The following MYH11 variants were observed in gnomAD, a reference collection of about 807,000 sequenced individuals.
MYH11 encodes myosin-11.
A neutral mutation model predicts 246.6 loss-of-function variants in MYH11; 80 were observed. The observed-to-expected ratio is 0.32, with a 90% CI of 0.27 to 0.39. The LOEUF is 0.39. Among genes scored for constraint, MYH11 ranks in the 10% least tolerant of loss-of-function variants. MYH11 has a pLI of 1.00. For synonymous variants in MYH11, 1,071 were observed against 1,015.5 expected (o/e 1.05, Z -1.04); for missense variants, 2,158 against 2,546.8 (o/e 0.85, Z 3.29).
intron 23 of MYH11, among the ~76,000 whole-genome samples, chr16:15,738,969 CA>C (rs950099579): frequency 7.9e-5 from 12 of 152,306 alleles, no homozygotes; most frequent in Admixed American, 3.9e-4. Flanking sequence ...AGGGCCTTTG[CA>C]CAGTGGGCCA....
At chr16:15,826,021 G>A (rs1198929293) in intron 2 of MYH11, among the ~76,000 whole-genome samples, 1 of 152,128 alleles carries the variant, frequency 6.6e-6, no homozygotes, top group Non-Finnish European at 1.5e-5. Context: ...ACTTGACCGA[G>A]GTCACCAAAG....
At chr16:15,749,483 TTC>T (rs2041507264) in intron 16 of MYH11, 1 of 152,540 alleles carries the variant, frequency 6.6e-6, no homozygotes, top group South Asian at 2.1e-4. Flanking sequence ...ACCAGAAGCT[TTC>T]TCTGAGTCCT....
intron 8 of MYH11, among the ~76,000 whole-genome samples, chr16:15,773,584 C>A (rs1162150248): frequency 6.6e-6 from 1 of 152,090 alleles, no homozygotes; most frequent in Non-Finnish European, 1.5e-5. Context: ...CCGTGCCCAG[C>A]CACCCCCAGC....
intron 26 of MYH11, chr16:15,733,098 C>T (rs189181212): frequency 3.2e-4 from 92 of 285,200 alleles, no homozygotes; most frequent in Non-Finnish European, 5.6e-4. Context: ...CCCAAAGAGG[C>T]AGGTGTGTTA....
Position 15,796,677 on chromosome 16 carries a change from A to G in MYH11, c.530+1983T>C, listed in dbSNP as rs974727910. Among the ~76,000 whole-genome samples the G allele has an allele frequency of 2.6e-5, 4 of 152,152 alleles. No homozygotes were observed. The South Asian group carries it at 8.3e-4, about 32-fold the overall frequency. On this transcript the variant is annotated intron_variant, in intron 4 of 40. Transcript: ENST00000300036. ...GTGAATATGTTTGCTTGAGATGAGG[A>G]GACTGTCTTGGATCATCTAGGTGGG...
At chr16:15,791,497 C>T (rs140348415) in intron 4 of MYH11, 59 of 152,238 alleles carry the variant, frequency 3.9e-4, no homozygotes, top group African/African-American at 1.3e-3. Context: ...GCCTCTCTCC[C>T]CTATAGCATC....
At chr16:15,852,249 T>C (rs1196778499) in intron 1 of MYH11, among the ~76,000 whole-genome samples, 2 of 151,988 alleles carry the variant, frequency 1.3e-5, no homozygotes, top group African/African-American at 4.8e-5. Context: ...CTGGAAAATA[T>C]TGTCTTCCAC....
chr16:15,733,525 A>G (rs1310950298), intron 26 of MYH11, among the ~76,000 whole-genome samples: 1 of 150,568 alleles, frequency 6.6e-6, no homozygotes, highest in South Asian at 2.1e-4. Flanking sequence ...GAGCCACCGC[A>G]CTCAGCCTGG....
intron 40 of MYH11, chr16:15,708,918 TAA>T (rs924517589): frequency 2.5e-5 from 34 of 1,375,282 alleles, no homozygotes; most frequent in Non-Finnish European, 3.2e-5. Flanking sequence ...TCTTAATTGT[TAA>T]AGACATTTGC....
chr16:15,723,356 A>C (rs1386693877), intron 31 of MYH11, among the ~76,000 whole-genome samples: 1 of 152,154 alleles, frequency 6.6e-6, no homozygotes, highest in East Asian at 1.9e-4. Context: ...CTTTATAAAT[A>C]AATATGTGGG....
chr16:15,833,006 A>G (rs2043783807), intron 2 of MYH11, among the ~76,000 whole-genome samples: 1 of 114,376 alleles, frequency 8.7e-6, no homozygotes, highest in African/African-American at 3.4e-5. Context: ...TCTGTCACCC[A>G]GGCTGGAGTG....
At chr16:15,751,177 T>C (rs923758125) in intron 15 of MYH11, among the ~76,000 whole-genome samples, 1 of 150,932 alleles carries the variant, frequency 6.6e-6, no homozygotes, top group Non-Finnish European at 1.5e-5. Flanking sequence ...TTTATTTTAT[T>C]GAGACGGAGT....
rs756399709 is a variant in MYH11, at chr16:15,735,384, G to A, written c.3488C>T (p.Ala1163Val). 3 of 1,613,932 alleles carry A rather than the reference G, an allele frequency of 1.9e-6. No individual in the cohort carries two copies. Among genetic ancestry groups the A allele is most frequent in the South Asian group, 1.1e-5 (1 of 91,070 alleles). ...TELEDTLDST[A>V]TQQELRAKRE... ...CCCTCACCTGAGCTCCTGCTGAGTG[G>A]CTGTGCTGTCCAGTGTGTCTTCCAG... Residue 1163 changes from alanine (A) to valine (V), a missense_variant, in exon 26 of 41, where the codon GCC (alanine) becomes GTC (valine). Physicochemically the swap from Ala to Val is moderately conservative, Grantham distance 64. Coordinates refer to ENST00000300036, the MANE Select transcript of MYH11 (RefSeq NM_002474.3).
At chr16:15,725,234 T>G in intron 28 of MYH11, 1 of 602,392 alleles carries the variant, frequency 1.7e-6, no homozygotes, top group East Asian at 2.8e-5. Flanking sequence ...CTAGACTCTG[T>G]GGTTCTAAGA....
At chr16:15,717,012 T>C (rs971315017) in intron 38 of MYH11, 128 bp downstream of exon 38, 1 of 1,012,762 alleles carries the variant, frequency 9.9e-7, no homozygotes, top group Admixed American at 1.7e-5. Context: ...ATACCTGCAC[T>C]GTAGGCATCA....
chr16:15,750,167 G>A lies in MYH11; in HGVS notation c.2029C>T (p.Arg677Cys), dbSNP rs748458484. ...TLRNTTPNFV[R>C]CIIPNHEKRS... Reference sequence around the variant, plus strand: ...TTCTCGTGGTTGGGGATGATGCAGCGCACGAAGTTGGGCGTGGTGTTGCGT... The same window carrying A: ...TTCTCGTGGTTGGGGATGATGCAGCACACGAAGTTGGGCGTGGTGTTGCGT... The change falls in exon 16 of 41, where the codon CGC (arginine) becomes TGC (cysteine). Residue 677 changes from arginine (R) to cysteine (C), a missense_variant. By Grantham distance (180) the Arg-to-Cys change is radical (BLOSUM62 -3). Transcript: ENST00000300036. The surrounding 1 kb of genome is among the most constrained non-coding windows in gnomAD (Gnocchi z 4.3). 1.9e-6 allele frequency: 3 copies of A among 1,614,236 alleles called. No individual in the cohort carries two copies. The highest frequency in any genetic ancestry group is 2.2e-5 in the East Asian group (1 of 44,874).
chr16:15,771,179 T>C (rs947684207), intron 9 of MYH11, among the ~76,000 whole-genome samples: 2 of 151,924 alleles, frequency 1.3e-5, no homozygotes, highest in African/African-American at 2.4e-5. Context: ...TTTGTATTTT[T>C]AGTAGAGACA....
intron 1 of MYH11, among the ~76,000 whole-genome samples, chr16:15,851,133 C>T (rs1021484048): frequency 6.6e-6 from 1 of 152,104 alleles, no homozygotes; most frequent in African/African-American, 2.4e-5. Context: ...ATCTGCAACA[C>T]AATTCGCCAG....
At chr16:15,782,039 AT>A (rs2042367833) in intron 6 of MYH11, among the ~76,000 whole-genome samples, 1 of 152,064 alleles carries the variant, frequency 6.6e-6, no homozygotes, top group African/African-American at 2.4e-5. Flanking sequence ...TCAATACCTA[AT>A]TTTTTAAATT....
Sources: allele counts gnomAD v4.1 joint callset (sites outside exome capture counted in the v4.1 genomes callset), GRCh38; gene constraint gnomAD v4.1.1; non-coding constraint Gnocchi (gnomAD v3.1); transcripts MANE v1.5; gene names NCBI Gene and HGNC (gene_info 2026-07-23, HGNC 2026-07-21).